Variants in UBR4 observed in about 807,000 individuals in gnomAD.
UBR4 encodes ubiquitin protein ligase E3 component n-recognin 4, also known as E3 ubiquitin-protein ligase UBR4.
A neutral mutation model predicts 575.6 loss-of-function variants in UBR4; 124 were observed. That is an observed-to-expected ratio of 0.22 (90% CI 0.19 to 0.25). The LOEUF (loss-of-function observed/expected upper bound fraction) is 0.25, where lower values mean the gene tolerates loss of function less well. UBR4 is among the 10% of genes least tolerant of loss of function. The probability of loss-of-function intolerance (pLI) is 1.00; values close to 1 mark genes in which losing one functional copy is unlikely to be tolerated. For synonymous variants in UBR4, 2,455 were observed against 2,473.7 expected (o/e 0.99, Z 0.22); for missense variants, 4,818 against 6,478.8 (o/e 0.74, Z 8.80).
intron 55 of UBR4, among the ~76,000 whole-genome samples, chr1:19,143,259 G>GAAGAAAGAAAGAAAGAAAGAAAGA (rs200550539): frequency 7.6e-5 from 7 of 91,630 alleles, no homozygotes; most frequent in East Asian, 4.4e-4. Flanking sequence ...AGGAAGGAAG[G>GAAGAAAGAAAGAAAGAAAGAAAGA]AAGAAAGAAA....
chr1:19,199,716 T>C lies in UBR4; in HGVS notation c.313A>G (p.Lys105Glu), dbSNP rs989901938. The change falls in exon 3 of 106, where the codon AAA becomes GAA. Residue 105 changes from lysine (K) to glutamate (E), a missense_variant. By Grantham distance (56) the Lys-to-Glu change is moderately conservative. This residue lies in a region of UBR4 where 85 missense variants were observed against 134.2 expected (regional missense o/e 0.63). Coordinates refer to ENST00000375254, the MANE Select transcript of UBR4 (RefSeq NM_020765.3). Reference protein sequence around the residue: ...NQLQSVAAACKVLIEFSLLRL... With the variant: ...NQLQSVAAACEVLIEFSLLRL... ...AGGAGAGAAAACTCAATTAGAACTTTACAGGCTGCTGCCACTGACTGAAGT... is the reference window on the plus strand; with the variant it reads ...AGGAGAGAAAACTCAATTAGAACTTCACAGGCTGCTGCCACTGACTGAAGT... 42 of 1,614,030 alleles carry C rather than the reference T, an allele frequency of 2.6e-5. No individual in the cohort carries two copies. The highest frequency in any genetic ancestry group is 4.5e-5 in the East Asian group (2 of 44,890).
chr1:19,179,079 C>T lies in UBR4; in HGVS notation c.2326G>A (p.Val776Ile), dbSNP rs1192691217. The T allele has an allele frequency of 8.1e-6, 13 of 1,613,612 alleles. No individual in the cohort carries two copies. Among genetic ancestry groups the T allele is most frequent in the South Asian group, 5.5e-5 (5 of 91,042 alleles). Reference sequence around the variant, plus strand: ...TCCCAAACTTTAAGGCATTCTGGGACGTCAGGGTCACCTTGAGCACTGGCT... The same window carrying T: ...TCCCAAACTTTAAGGCATTCTGGGATGTCAGGGTCACCTTGAGCACTGGCT... ...HKASAQGDPD[V>I]PECLKVWDRF... Residue 776 changes from valine to isoleucine, a missense_variant, in exon 18 of 106, where the codon GTC becomes ATC. By Grantham distance (29) the Val-to-Ile change is conservative. Coordinates refer to ENST00000375254, the MANE Select transcript of UBR4 (RefSeq NM_020765.3).
In UBR4 at chr1:19,100,041, C is replaced by T. The variant is rs1054227844; in HGVS notation, c.13221+335G>A. 2.1e-5 allele frequency: 9 copies of T among 432,052 alleles called. No homozygotes were observed. Among genetic ancestry groups the T allele is most frequent in the Non-Finnish European group, 2.9e-5 (7 of 241,898 alleles). 26.8% of individuals were successfully genotyped at this position (432,052 alleles called of 1,614,324 possible). A position where few individuals can be genotyped will look rare whatever the true frequency, so the allele number is the denominator to read the frequency against. On this transcript the variant is annotated intron_variant, in intron 89 of 105. Coordinates refer to ENST00000375254, the MANE Select transcript of UBR4 (RefSeq NM_020765.3). This position sits in a 1 kb window ranked among gnomAD's most constrained non-coding sequence, Gnocchi z 4.2. ...ACATAAACCTGCACAGGGGGTAAAACGCCAATATTTAGGGGGCTCAGGTAA... is the reference window on the plus strand; with the variant it reads ...ACATAAACCTGCACAGGGGGTAAAATGCCAATATTTAGGGGGCTCAGGTAA...
chr1:19,197,310 C>T (rs774667815), intron 7 of UBR4, 45 bp from the exon 8 acceptor site: 2 of 1,612,456 alleles, frequency 1.2e-6, no homozygotes, highest in Non-Finnish European at 1.7e-6. Context: ...GAATCATTCA[C>T]TTCTATAATG....
At chr1:19,170,177 G>C (rs552983438) in intron 26 of UBR4, among the ~76,000 whole-genome samples, 9 of 152,138 alleles carry the variant, frequency 5.9e-5, no homozygotes, top group Non-Finnish European at 1.3e-4. Flanking sequence ...TAATCTTCCT[G>C]TCCCCTATAA....
rs370748340 is a variant in UBR4, at chr1:19,098,413, G to A, written c.13303-1133C>T. ...ACTGGATTAAGCACATCAATGTGAG[G>A]GGCAAATGATTCTCAACTTCTATCT... On this transcript the variant is annotated intron_variant, in intron 90 of 105. Transcript: ENST00000375254. Among the ~76,000 whole-genome samples, 14 of 152,314 alleles carry A rather than the reference G, an allele frequency of 9.2e-5. No homozygotes were observed. The East Asian group carries it at 2.3e-3, about 25-fold the overall frequency.
chr1:19,188,840 A>G (rs2091804798), intron 11 of UBR4, among the ~76,000 whole-genome samples: 2 of 152,078 alleles, frequency 1.3e-5, no homozygotes, highest in South Asian at 2.1e-4. Flanking sequence ...ATGGTGGTGC[A>G]CACCTGTAGT....
intron 52 of UBR4, among the ~76,000 whole-genome samples, 182 bp downstream of exon 52, chr1:19,146,642 AAG>A (rs1193026129): frequency 6.6e-6 from 1 of 152,212 alleles, no homozygotes; most frequent in Non-Finnish European, 1.5e-5. Flanking sequence ...GCACTGGAAA[AAG>A]AATGTGTTTA....
chr1:19,086,109 C>T, intron 101 of UBR4, 36 bp downstream of exon 101: 2 of 1,609,638 alleles, frequency 1.2e-6, no homozygotes, highest in South Asian at 2.2e-5. Flanking sequence ...CCTGCAAATC[C>T]CCTCCATTCC....
At chr1:19,108,844 C>T (rs989854108) in intron 81 of UBR4, among the ~76,000 whole-genome samples, 99 of 152,274 alleles carry the variant, frequency 6.5e-4, no homozygotes, top group African/African-American at 2.2e-3. Context: ...CTAAGTTACA[C>T]GGAGCAAATT....
At position 19,105,174 on chromosome 1, in the gene UBR4, C is replaced by A. The variant is rs376051808; in HGVS notation, c.12519G>T (p.Leu4173=). The change falls in exon 85 of 106, where the codon CTG becomes CTT. Residue 4173 remains leucine, a synonymous_variant. Coordinates refer to ENST00000375254, the MANE Select transcript of UBR4 (RefSeq NM_020765.3). ...LDLLTSYLDE[L]SIAGECAAEY... ...CAGCTGCACACTCCCCAGCTATGCT[C>A]AGCTCATCCAGGTAACTGCCACCAA... is the stretch of plus-strand genomic sequence containing the variant. The A allele has an allele frequency of 6.2e-7, 1 of 1,612,384 alleles. No homozygotes were observed. Among genetic ancestry groups the A allele is most frequent in the African/African-American group, 1.3e-5 (1 of 74,740 alleles).
intron 26 of UBR4, 58 bp downstream of exon 26, chr1:19,170,704 G>C: frequency 6.2e-7 from 1 of 1,611,686 alleles, no homozygotes; most frequent in South Asian, 1.1e-5. Flanking sequence ...AGAAGCCATA[G>C]TACTAGCAGT....
At position 19,144,879 on chromosome 1, in the gene UBR4, A is replaced by G. The variant is rs778429279; in HGVS notation, c.7974T>C (p.Asn2658=). 3.1e-6 allele frequency: 5 copies of G among 1,614,028 alleles called. No individual in the cohort carries two copies. The South Asian group carries it at 4.4e-5, about 14-fold the overall frequency. Reference sequence around the variant, plus strand: ...AGCCATGGATGATGTCCACCAGAGCATTGACAGTAGCTTCAATATGAGTTA... The same window carrying G: ...AGCCATGGATGATGTCCACCAGAGCGTTGACAGTAGCTTCAATATGAGTTA... The part of the protein sequence containing the change: ...PGLTHIEATV[N]ALVDIIHGYC... Residue 2658 remains asparagine, a synonymous_variant, in exon 54 of 106, where the codon AAT becomes AAC. Transcript: ENST00000375254.
In UBR4 at chr1:19,112,744, C is replaced by T. The variant is rs374622336; in HGVS notation, c.11581G>A (p.Val3861Ile). 240 of 1,614,096 alleles carry T rather than the reference C, an allele frequency of 1.5e-4. No homozygotes were observed. The highest frequency in any genetic ancestry group is 1.9e-4 in the Non-Finnish European group (228 of 1,180,040). Residue 3861 changes from valine (V) to isoleucine (I), a missense_variant, in exon 78 of 106, where the codon GTC becomes ATC. Val to Ile is a conservative substitution (Grantham distance 29). This residue lies in a region of UBR4 where 333 missense variants were observed against 459.2 expected (regional missense o/e 0.73). Transcript: ENST00000375254. ...GAGGATGTGTGGCCACAGCCCAGGA[C>T]GGATAAGGCACGGTACTGGCTGGCA... ...FTASQYRALS[V>I]LGCGHTSSTK... is the part of the protein sequence containing the mutation.
chr1:19,141,862 C>T (rs1189585031), intron 55 of UBR4, 85 bp from the exon 56 acceptor site: 2 of 1,567,100 alleles, frequency 1.3e-6, no homozygotes, highest in African/African-American at 1.4e-5. Context: ...GCAACAAAAA[C>T]CCAAGACAAG....
intron 37 of UBR4, 126 bp downstream of exon 37, chr1:19,161,463 A>AT: frequency 7.6e-7 from 1 of 1,308,370 alleles, no homozygotes; most frequent in South Asian, 1.4e-5. Flanking sequence ...CAGATCATCG[A>AT]TGAGTGAGCT....
chr1:19,121,169 G>T lies in UBR4; in HGVS notation c.10141+20C>A. 6.2e-7 allele frequency: 1 copy of T among 1,611,192 alleles called. No homozygotes were observed. Among genetic ancestry groups the T allele is most frequent in the South Asian group, 1.1e-5 (1 of 90,234 alleles). Reference sequence around the variant, plus strand: ...TTACATACATCATTGTAGTCACAATGACAAGAGGGTGACCCTTACCATCTT... The same window carrying T: ...TTACATACATCATTGTAGTCACAATTACAAGAGGGTGACCCTTACCATCTT... On this transcript the variant is annotated intron_variant, in intron 68 of 105. Transcript: ENST00000375254.
chr1:19,121,707 A>G (rs1295355348), intron 67 of UBR4, among the ~76,000 whole-genome samples: 1 of 152,180 alleles, frequency 6.6e-6, no homozygotes, highest in East Asian at 1.9e-4. Context: ...CACTACCTGG[A>G]GGTCAGAGAC....
At chr1:19,197,545 C>T in intron 7 of UBR4, 125 bp downstream of exon 7, 4 of 1,380,620 alleles carry the variant, frequency 2.9e-6, no homozygotes, top group Non-Finnish European at 3.9e-6. Flanking sequence ...GGGAGAACTG[C>T]TTGAACCAGG....
Sources: allele counts gnomAD v4.1 joint callset (sites outside exome capture counted in the v4.1 genomes callset), GRCh38; gene constraint gnomAD v4.1.1; regional missense constraint gnomAD v4.1.1; non-coding constraint Gnocchi (gnomAD v3.1); transcripts MANE v1.5; gene names NCBI Gene and HGNC (gene_info 2026-07-23, HGNC 2026-07-21).